The following TSNAX variants were observed in gnomAD, a reference collection of about 807,000 sequenced individuals.
TSNAX encodes translin associated factor X, also known as translin-associated protein X.
In TSNAX, 12 loss-of-function variants were observed where a neutral mutation model predicts 33.0. That is an observed-to-expected ratio of 0.36 (90% CI 0.23 to 0.59). The LOEUF (loss-of-function observed/expected upper bound fraction) is 0.59, where lower values mean the gene tolerates loss of function less well. Ranked by LOEUF, TSNAX falls within the 20% of genes least tolerant of loss-of-function variation. The pLI is 0.74. For synonymous variants in TSNAX, 110 were observed against 117.2 expected, an observed-to-expected ratio of 0.94 and a Z score of 0.40; for missense variants, 267 against 341.3, an observed-to-expected ratio of 0.78 and a Z score of 1.72.
chr1:231,551,960 C>T (rs1222924940), intron 4 of TSNAX, among the ~76,000 whole-genome samples: 2 of 152,070 alleles, frequency 1.3e-5, no homozygotes, highest in African/African-American at 4.8e-5. Context: ...CCACTGCACT[C>T]CAGCCTGTGT....
At chr1:231,546,732 C>A (rs1659939139) in intron 4 of TSNAX, among the ~76,000 whole-genome samples, 2 of 152,338 alleles carry the variant, frequency 1.3e-5, no homozygotes, top group South Asian at 4.1e-4. Flanking sequence ...CTCTTGAAGA[C>A]CAGGCTTTGT....
intron 4 of TSNAX, among the ~76,000 whole-genome samples, chr1:231,550,830 G>C (rs1330788108): frequency 2.0e-5 from 3 of 152,154 alleles, no homozygotes; most frequent in African/African-American, 7.2e-5. Flanking sequence ...CAGGAACCCA[G>C]TTGCCTGATA....
At position 231,531,647 on chromosome 1, in the gene TSNAX, A is replaced by G. The variant is rs1377549585; in HGVS notation, c.121+2288A>G. ...GTTATTATCTCAGTAATAAAAGACTAGATATATTTAGATCCATGTCAGCTA... is the reference window on the plus strand; with the variant it reads ...GTTATTATCTCAGTAATAAAAGACTGGATATATTTAGATCCATGTCAGCTA... On this transcript the variant is annotated intron_variant, in intron 2 of 5. Transcript: ENST00000366639. 7.6e-4 allele frequency among the ~76,000 whole-genome samples: 116 copies of G among 152,186 alleles called. 1 individual carries two copies. The highest frequency in any genetic ancestry group is 7.3e-5 in the Non-Finnish European group (5 of 68,042).
chr1:231,565,438 A>G lies in TSNAX; in HGVS notation c.*533A>G, dbSNP rs1661358531. 6.5e-6 allele frequency: 1 copy of G among 152,880 alleles called. No individual in the cohort carries two copies. The allele number at this position is 152,880 out of a possible 1,614,324, so 9.5% of individuals were successfully genotyped here. ...GCTATCAATATATAATTTAAGTACA[A>G]GTTTAGGCTGGGCGTGGTGGCTCAC... On this transcript the variant is annotated 3_prime_UTR_variant, in exon 6 of 6. Coordinates refer to ENST00000366639, the MANE Select transcript of TSNAX (RefSeq NM_005999.3).
chr1:231,553,977 C>T (rs918636263), intron 4 of TSNAX, among the ~76,000 whole-genome samples: 7 of 152,202 alleles, frequency 4.6e-5, no homozygotes, highest in South Asian at 2.1e-4. Context: ...TGAGCCACCA[C>T]GCCTGGCCCA....
chr1:231,551,186 A>G (rs558531939), intron 4 of TSNAX, among the ~76,000 whole-genome samples: 129 of 152,346 alleles, frequency 8.5e-4, no homozygotes, highest in African/African-American at 2.9e-3. Context: ...AGTGGCTATT[A>G]TAAGGATTAA....
chr1:231,554,442 C>T (rs987269146), intron 4 of TSNAX, among the ~76,000 whole-genome samples: 11 of 152,132 alleles, frequency 7.2e-5, no homozygotes, highest in Non-Finnish European at 1.5e-4. Context: ...GGAGCAAAGT[C>T]GTCTGGGCAT....
At chr1:231,528,910 CT>C (rs953486546) in intron 1 of TSNAX, 84 bp downstream of exon 1, 36 of 1,561,150 alleles carry the variant, frequency 2.3e-5, no homozygotes, top group Non-Finnish European at 2.9e-5. Flanking sequence ...CCTTTTCACC[CT>C]TGAAGGATGC....
intron 2 of TSNAX, chr1:231,536,592 A>C (rs1472841076): frequency 1.3e-5 from 2 of 152,192 alleles, no homozygotes; most frequent in Non-Finnish European, 2.9e-5. Flanking sequence ...AAATTATTAG[A>C]TATTTAGTTT....
chr1:231,529,462 A>G (rs1377599603), intron 2 of TSNAX, 103 bp downstream of exon 2: 1 of 1,216,292 alleles, frequency 8.2e-7, no homozygotes, highest in Non-Finnish European at 1.2e-6. Context: ...GTGAAACTTT[A>G]GCTGGAGGTT....
chr1:231,555,560 G>T (rs1558133980), intron 4 of TSNAX, among the ~76,000 whole-genome samples: 1 of 152,116 alleles, frequency 6.6e-6, no homozygotes, highest in Non-Finnish European at 1.5e-5. Flanking sequence ...GGCTAAGCTG[G>T]TAAATGTTAT....
intron 2 of TSNAX, among the ~76,000 whole-genome samples, chr1:231,532,184 AC>A: frequency 8.8e-6 from 1 of 113,686 alleles, no homozygotes; most frequent in Non-Finnish European, 1.9e-5. Flanking sequence ...ACACACACAC[AC>A]AGTTTTGGTT....
chr1:231,529,804 T>G (rs1658539648), intron 2 of TSNAX, among the ~76,000 whole-genome samples: 1 of 152,228 alleles, frequency 6.6e-6, no homozygotes, highest in South Asian at 2.1e-4. Flanking sequence ...TATATACACA[T>G]ATTTTCACAG....
In TSNAX at chr1:231,565,358, G is replaced by A. The variant is rs906791695; in HGVS notation, c.*453G>A. 2 of 153,282 alleles carry A rather than the reference G, an allele frequency of 1.3e-5. No individual in the cohort carries two copies. Among genetic ancestry groups the A allele is most frequent in the Non-Finnish European group, 2.9e-5 (2 of 69,022 alleles). 9.5% of individuals were successfully genotyped at this position (153,282 alleles called of 1,614,324 possible). A position where few individuals can be genotyped will look rare whatever the true frequency, so the allele number is the denominator to read the frequency against. On this transcript the variant is annotated 3_prime_UTR_variant, in exon 6 of 6. Coordinates refer to ENST00000366639, the MANE Select transcript of TSNAX (RefSeq NM_005999.3). ...CCTGTTTAAATTTCTTGTTAATATCGTGCCAAGCCTCAAAAATAGGCTTAT... is the reference window on the plus strand; with the variant it reads ...CCTGTTTAAATTTCTTGTTAATATCATGCCAAGCCTCAAAAATAGGCTTAT...
At chr1:231,542,329 T>C (rs1024927431) in intron 3 of TSNAX, 152 bp from the exon 4 acceptor site, 29 of 702,274 alleles carry the variant, frequency 4.1e-5, no homozygotes, top group Non-Finnish European at 5.7e-5. Context: ...AACATTTTCA[T>C]GTTCTCCATA....
chr1:231,553,355 C>A (rs1660461416), intron 4 of TSNAX, among the ~76,000 whole-genome samples: 1 of 151,900 alleles, frequency 6.6e-6, no homozygotes, highest in Admixed American at 6.6e-5. Context: ...AATGGGAGAA[C>A]AAGGAAAAAA....
chr1:231,551,574 A>G (rs1259252794), intron 4 of TSNAX, among the ~76,000 whole-genome samples: 1 of 152,132 alleles, frequency 6.6e-6, no homozygotes, highest in African/African-American at 2.4e-5. Context: ...AGCAAAATTA[A>G]TCTATAATAT....
intron 3 of TSNAX, among the ~76,000 whole-genome samples, chr1:231,542,266 TTATAG>T (rs112259582): frequency 1.9e-4 from 29 of 152,344 alleles, no homozygotes; most frequent in African/African-American, 6.7e-4. Flanking sequence ...AAAATTTTTC[TTATAG>T]TAAACATACA....
rs1661355336 is a variant in TSNAX, at chr1:231,565,393, C to T, written c.*488C>T. ...TCAAAAATAGGCTTATTCCATGGAA[C>T]AAGAATTAAAAATGAATAAGCTATC... On this transcript the variant is annotated 3_prime_UTR_variant, in exon 6 of 6. Transcript: ENST00000366639. The T allele has an allele frequency of 1.3e-5, 2 of 152,870 alleles. No homozygotes were observed. The highest frequency in any genetic ancestry group is 2.9e-5 in the Non-Finnish European group (2 of 68,684). The allele number at this position is 152,870 out of a possible 1,614,324, so 9.5% of individuals were successfully genotyped here.
Sources: allele counts gnomAD v4.1 joint callset (sites outside exome capture counted in the v4.1 genomes callset), GRCh38; gene constraint gnomAD v4.1.1; transcripts MANE v1.5; gene names NCBI Gene and HGNC (gene_info 2026-07-23, HGNC 2026-07-21).